The following PFDN1 variants were observed in gnomAD, a reference collection of about 807,000 sequenced individuals.
The protein encoded by PFDN1 is prefoldin subunit 1.
Under a neutral mutation model 17.3 loss-of-function variants are expected in PFDN1, and 6 were observed. That is an observed-to-expected ratio of 0.35 (90% CI 0.19 to 0.69). The LOEUF (loss-of-function observed/expected upper bound fraction) is 0.69, where lower values mean the gene tolerates loss of function less well. PFDN1 is among the 30% of genes least tolerant of loss of function. PFDN1 has a pLI of 0.65. For missense variants in PFDN1, 113 were observed against 146.2 expected, an observed-to-expected ratio of 0.77 and a Z score of 1.17; for synonymous variants, 58 against 50.1, an observed-to-expected ratio of 1.16 and a Z score of -0.67.
chr5:140,301,949 A>T (rs1047543908), intron 1 of PFDN1, among the ~76,000 whole-genome samples: 24 of 152,352 alleles, frequency 1.6e-4, no homozygotes, highest in African/African-American at 5.5e-4. Flanking sequence ...GACTCCACCT[A>T]AGAGCTAAAT....
intron 3 of PFDN1, among the ~76,000 whole-genome samples, chr5:140,252,406 G>A (rs945768768): frequency 6.6e-5 from 10 of 152,106 alleles, no homozygotes; most frequent in South Asian, 4.1e-4. Flanking sequence ...TCTGCTGGGA[G>A]TCACGGTTTC....
chr5:140,258,176 G>C (rs1765014477), intron 3 of PFDN1, among the ~76,000 whole-genome samples: 1 of 152,118 alleles, frequency 6.6e-6, no homozygotes, highest in African/African-American at 2.4e-5. Context: ...GTTTTAAGCA[G>C]GAGAGCAAAA....
At chr5:140,269,694 TC>T (rs1207840016) in intron 3 of PFDN1, among the ~76,000 whole-genome samples, 1 of 152,228 alleles carries the variant, frequency 6.6e-6, no homozygotes, top group African/African-American at 2.4e-5. Context: ...CTCCATCTTT[TC>T]ATTTTAAGGG....
chr5:140,261,215 ATC>A (rs1765061644), intron 3 of PFDN1, among the ~76,000 whole-genome samples: 1 of 152,050 alleles, frequency 6.6e-6, no homozygotes, highest in African/African-American at 2.4e-5. Flanking sequence ...AGGACATTAA[ATC>A]TCTGTGTCTG....
rs558181915 is a variant in PFDN1, at chr5:140,264,568, G to C, written c.285+16881C>G. 2.3e-4 allele frequency among the ~76,000 whole-genome samples: 35 copies of C among 152,248 alleles called. 1 individual carries two copies. In the South Asian group the frequency reaches 6.2e-3, roughly 27 times the overall value. On this transcript the variant is annotated intron_variant, in intron 3 of 3. Coordinates refer to ENST00000261813, the MANE Select transcript of PFDN1 (RefSeq NM_002622.5). ...AATCTCACAGAGGGGACTAGGCATG[G>C]TGGGTCATGCCTGTAATCCCAACAC... is the stretch of plus-strand genomic sequence containing the variant.
rs1367373199 is a variant in PFDN1 at position 140,270,567 on chromosome 5, ATG to A, written c.285+10880_285+10881del. Among the ~76,000 whole-genome samples, 9 of 152,290 alleles carry A rather than the reference ATG, an allele frequency of 5.9e-5. No individual in the cohort carries two copies. In the East Asian group the frequency reaches 1.5e-3, roughly 26 times the overall value. On this transcript the variant is annotated intron_variant, in intron 3 of 3. Coordinates refer to ENST00000261813, the MANE Select transcript of PFDN1 (RefSeq NM_002622.5). Reference sequence around the variant, plus strand: ...AACAGATCAAATCAAGGGTATATCAATGTGTGTGTTAAATATCTGTAATATAT... The same window carrying A: ...AACAGATCAAATCAAGGGTATATCAATGTGTGTTAAATATCTGTAATATAT...
chr5:140,260,517 G>A (rs1765049610), intron 3 of PFDN1, among the ~76,000 whole-genome samples: 1 of 151,454 alleles, frequency 6.6e-6, no homozygotes, highest in African/African-American at 2.4e-5. Flanking sequence ...ACATAAAAAC[G>A]AGAGAAGTAC....
intron 3 of PFDN1, 121 bp from the exon 4 acceptor site, chr5:140,246,178 C>A (rs969064335): frequency 1.5e-6 from 1 of 688,968 alleles, no homozygotes; most frequent in Non-Finnish European, 2.6e-6. Flanking sequence ...CAGGAGTATA[C>A]TGCAAGCCAG....
intron 1 of PFDN1, 57 bp from the exon 2 acceptor site, chr5:140,300,639 C>T: frequency 8.2e-7 from 1 of 1,224,892 alleles, no homozygotes; most frequent in Non-Finnish European, 1.1e-6. Context: ...AAACATTTAC[C>T]TCAAATCCAA....
At chr5:140,249,706 A>G (rs1413825212) in intron 3 of PFDN1, among the ~76,000 whole-genome samples, 1 of 152,182 alleles carries the variant, frequency 6.6e-6, no homozygotes, top group Non-Finnish European at 1.5e-5. Context: ...TCGTGGTGGA[A>G]GGCGAAGGGG....
chr5:140,300,488 T>A lies in PFDN1; in HGVS notation c.128A>T (p.His43Leu), dbSNP rs1231674023. 4 of 1,611,324 alleles carry A rather than the reference T, an allele frequency of 2.5e-6. No homozygotes were observed. The highest frequency in any genetic ancestry group is 3.4e-6 in the Non-Finnish European group (4 of 1,177,556). ...QIEQLNRTKK[H>L]AHLTDTEIMT... ...GATCTCTGTATCTGTAAGATGTGCA[T>A]GCTTTTTCGTTCTGTTTAGCTGTTC... Residue 43 changes from histidine (H) to leucine (L), a missense_variant, in exon 2 of 4, where the codon CAT becomes CTT. Coordinates refer to ENST00000261813, the MANE Select transcript of PFDN1 (RefSeq NM_002622.5).
At position 140,283,866 on chromosome 5, in the gene PFDN1, T is replaced by C. The variant is rs1056610484; in HGVS notation, c.201-2333A>G. On this transcript the variant is annotated intron_variant, in intron 2 of 3. Transcript: ENST00000261813. ...AGAGTCACCAAATTATGTCATGACA[T>C]GTGTGATTTTACTGAGAAAGTCTTT... is the stretch of plus-strand genomic sequence containing the variant. 2.0e-5 allele frequency among the ~76,000 whole-genome samples: 3 copies of C among 150,494 alleles called. No homozygotes were observed. In the East Asian group the frequency reaches 5.8e-4, roughly 29 times the overall value.
At chr5:140,252,001 T>TTCTTC (rs1485927276) in intron 3 of PFDN1, among the ~76,000 whole-genome samples, 1 of 151,888 alleles carries the variant, frequency 6.6e-6, no homozygotes, top group East Asian at 1.9e-4. Flanking sequence ...TTTTTTTTCT[T>TTCTTC]TCTTTCTTTC....
chr5:140,292,085 T>G (rs1203398328), intron 2 of PFDN1, among the ~76,000 whole-genome samples: 4 of 152,212 alleles, frequency 2.6e-5, no homozygotes, highest in African/African-American at 9.6e-5. Context: ...TTAAACATGA[T>G]GTTTATTTCG....
At chr5:140,272,217 A>T (rs1344813968) in intron 3 of PFDN1, among the ~76,000 whole-genome samples, 1 of 151,932 alleles carries the variant, frequency 6.6e-6, no homozygotes, top group African/African-American at 2.4e-5. Flanking sequence ...ACAGGATTTC[A>T]CCATATTGGC....
At chr5:140,293,657 A>C (rs1765612037) in intron 2 of PFDN1, among the ~76,000 whole-genome samples, 1 of 152,066 alleles carries the variant, frequency 6.6e-6, no homozygotes, top group East Asian at 1.9e-4. Flanking sequence ...ATTCTTACGC[A>C]AATGTTTGTT....
intron 3 of PFDN1, chr5:140,273,926 C>T (rs936565827): frequency 2.0e-6 from 2 of 983,522 alleles, no homozygotes; most frequent in South Asian, 9.4e-5. Context: ...GAAGCAGTAA[C>T]TGGCCTCCAC....
At chr5:140,279,903 G>C (rs1366111133) in intron 3 of PFDN1, among the ~76,000 whole-genome samples, 1 of 147,914 alleles carries the variant, frequency 6.8e-6, no homozygotes, top group Non-Finnish European at 1.5e-5. Context: ...GCTGAGACAG[G>C]AGAATCGCTT....
At chr5:140,262,819 C>T (rs965181040) in intron 3 of PFDN1, among the ~76,000 whole-genome samples, 1 of 151,542 alleles carries the variant, frequency 6.6e-6, no homozygotes, top group African/African-American at 2.4e-5. Context: ...GTAAATATTA[C>T]AAAATGCTAA....
Sources: gnomAD v4.1 joint callset for allele counts (sites outside exome capture counted in the v4.1 genomes callset) on GRCh38, gnomAD v4.1.1 for gene constraint, MANE v1.5 for transcripts, NCBI Gene and HGNC (gene_info 2026-07-23, HGNC 2026-07-21) for gene names.